ZNF385D: variants seen among roughly 807,000 people sequenced by gnomAD.
The protein encoded by ZNF385D is zinc finger protein 659.
Under a neutral mutation model 35.8 loss-of-function variants are expected in ZNF385D, and 15 were observed. The observed-to-expected ratio is 0.42, with a 90% CI of 0.28 to 0.64. ZNF385D has a LOEUF of 0.64. Among genes scored for constraint, ZNF385D ranks in the 30% least tolerant of loss-of-function variants. ZNF385D has a pLI of 0.23. For missense variants in ZNF385D, 474 were observed against 494.6 expected (o/e 0.96, Z 0.39); for synonymous variants, 212 against 186.8 (o/e 1.13, Z -1.10).
intron 2 of ZNF385D, among the ~76,000 whole-genome samples, chr3:22,271,319 A>C (rs1189448611): frequency 6.6e-6 from 1 of 151,984 alleles, no homozygotes; most frequent in Non-Finnish European, 1.5e-5. Context: ...GGAGAAGACT[A>C]ATTTGGATTC....
chr3:21,668,237 C>T (rs2066463863), intron 1 of ZNF385D, among the ~76,000 whole-genome samples: 1 of 152,078 alleles, frequency 6.6e-6, no homozygotes, highest in East Asian at 1.9e-4. Context: ...CTAAGGTGAC[C>T]CTTAAGTGGA....
chr3:22,064,213 G>C (rs1293791553), intron 3 of ZNF385D, among the ~76,000 whole-genome samples: 1 of 152,182 alleles, frequency 6.6e-6, no homozygotes, highest in Non-Finnish European at 1.5e-5. Flanking sequence ...ATGACAGTTT[G>C]CTCAGGCAAT....
chr3:22,142,894 A>T (rs57637036), intron 3 of ZNF385D, among the ~76,000 whole-genome samples: 1 of 152,066 alleles, frequency 6.6e-6, no homozygotes, highest in Non-Finnish European at 1.5e-5. Context: ...AAAGAATAGC[A>T]ATAGTAACCC....
In ZNF385D at chr3:21,456,528, T is replaced by C. The variant is rs574221463; in HGVS notation, c.440-19325A>G. ...GCATGTTCTCACTCATAGGTGGGAA[T>C]TGAACAATGAGAACACTTGGACACA... On this transcript the variant is annotated intron_variant, in intron 4 of 7. Coordinates refer to ENST00000281523, the MANE Select transcript of ZNF385D (RefSeq NM_024697.3). Among the ~76,000 whole-genome samples the C allele has an allele frequency of 3.8e-4, 58 of 152,136 alleles. 2 individuals are homozygous for C. The South Asian group carries it at 0.011, about 29-fold the overall frequency.
At chr3:21,568,183 TAAC>T (rs1248675405) in intron 2 of ZNF385D, among the ~76,000 whole-genome samples, 1 of 55,604 alleles carries the variant, frequency 1.8e-5, no homozygotes, top group East Asian at 3.6e-4. Flanking sequence ...TCTTTATTAA[TAAC>T]AATAAATCAT....
intron 3 of ZNF385D, among the ~76,000 whole-genome samples, chr3:22,168,119 C>G (rs1026436176): frequency 6.6e-6 from 1 of 152,142 alleles, no homozygotes; most frequent in Non-Finnish European, 1.5e-5. Context: ...CATGAAACAT[C>G]TGATCACAAT....
intron 4 of ZNF385D, among the ~76,000 whole-genome samples, chr3:21,462,880 G>A (rs1250824747): frequency 6.6e-6 from 1 of 152,152 alleles, no homozygotes; most frequent in African/African-American, 2.4e-5. Context: ...TACTCAGGAA[G>A]TTGAGGCAGC....
At chr3:21,565,839 T>G (rs1442517950) in intron 2 of ZNF385D, among the ~76,000 whole-genome samples, 2 of 152,204 alleles carry the variant, frequency 1.3e-5, no homozygotes, top group East Asian at 3.9e-4. Flanking sequence ...AGAAATTATT[T>G]GATACACTCA....
intron 2 of ZNF385D, among the ~76,000 whole-genome samples, chr3:22,183,183 A>G (rs1489661564): frequency 1.3e-5 from 2 of 152,158 alleles, no homozygotes; most frequent in Non-Finnish European, 2.9e-5. Flanking sequence ...AAGTTTACAT[A>G]TAGTATTAAG....
chr3:22,176,925 T>A (rs181627294), intron 2 of ZNF385D, among the ~76,000 whole-genome samples: 3 of 152,280 alleles, frequency 2.0e-5, no homozygotes, highest in East Asian at 3.9e-4. Flanking sequence ...TGTCTTAAAT[T>A]TCAACGTCAC....
intron 3 of ZNF385D, among the ~76,000 whole-genome samples, chr3:21,761,400 T>G (rs1476969044): frequency 2.0e-5 from 3 of 152,210 alleles, no homozygotes; most frequent in Admixed American, 2.0e-4. Context: ...CTTTATAGTC[T>G]AGATTTAACA....
intron 3 of ZNF385D, among the ~76,000 whole-genome samples, chr3:22,019,034 C>CATT (rs1697060808): frequency 3.1e-5 from 2 of 64,460 alleles, no homozygotes; most frequent in Admixed American, 1.7e-4. Context: ...AGTTATTTAC[C>CATT]TTTTTTTTTT....
At chr3:21,988,689 G>A (rs751543493) in intron 3 of ZNF385D, among the ~76,000 whole-genome samples, 2 of 151,618 alleles carry the variant, frequency 1.3e-5, no homozygotes, top group Admixed American at 1.3e-4. Context: ...AGCTGTGGTG[G>A]GCTCCACCCA....
At chr3:21,742,559 G>A (rs148956528) in intron 1 of ZNF385D, among the ~76,000 whole-genome samples, 3 of 152,298 alleles carry the variant, frequency 2.0e-5, no homozygotes, top group African/African-American at 7.2e-5. Flanking sequence ...CCTCGGCTCA[G>A]TTCTACCAAT....
chr3:21,557,999 C>A lies in ZNF385D; in HGVS notation c.276+6575G>T, dbSNP rs9827867. Among the ~76,000 whole-genome samples the A allele has an allele frequency of 4.1e-3, 625 of 151,964 alleles. 5 individuals are homozygous for A. Among genetic ancestry groups the A allele is most frequent in the African/African-American group, 0.014 (575 of 41,440 alleles). ...TATTTCTGTGGGATCAGTGGTGATACCCCTTTATCATTTTTTAGTGTGTCT... is the reference window on the plus strand; with the variant it reads ...TATTTCTGTGGGATCAGTGGTGATAACCCTTTATCATTTTTTAGTGTGTCT... On this transcript the variant is annotated intron_variant, in intron 3 of 7. Transcript: ENST00000281523.
intron 3 of ZNF385D, chr3:21,511,823 A>AT (rs71976575): frequency 0.049 from 18,003 of 371,068 alleles, 8 homozygotes; most frequent in South Asian, 0.07. Context: ...TCCTAAGAGC[A>AT]TTTTTTTTTT....
At chr3:22,221,755 T>C (rs776119798) in intron 2 of ZNF385D, among the ~76,000 whole-genome samples, 10 of 152,194 alleles carry the variant, frequency 6.6e-5, no homozygotes, top group Non-Finnish European at 1.5e-4. Flanking sequence ...TACAAAAAGC[T>C]AGTGCAAGGA....
At chr3:22,106,405 A>AG (rs1702215573) in intron 3 of ZNF385D, among the ~76,000 whole-genome samples, 1 of 151,950 alleles carries the variant, frequency 6.6e-6, no homozygotes, top group African/African-American at 2.4e-5. Context: ...AAAGGACAAA[A>AG]AAATCTTACA....
At chr3:22,085,506 C>A (rs1017065225) in intron 3 of ZNF385D, among the ~76,000 whole-genome samples, 7 of 152,122 alleles carry the variant, frequency 4.6e-5, no homozygotes, top group African/African-American at 1.7e-4. Flanking sequence ...GACACATACA[C>A]CCTCCCAAGA....
Sources: allele counts gnomAD v4.1 joint callset (sites outside exome capture counted in the v4.1 genomes callset), GRCh38; gene constraint gnomAD v4.1.1; transcripts MANE v1.5; gene names NCBI Gene and HGNC (gene_info 2026-07-23, HGNC 2026-07-21).